Variants in BAZ2A observed in about 807,000 individuals in gnomAD.
The protein encoded by BAZ2A is bromodomain adjacent to zinc finger domain protein 2A.
Under a neutral mutation model 199.9 loss-of-function variants are expected in BAZ2A, and 34 were observed. The ratio of observed to expected loss-of-function variants is 0.17; its 90% CI spans 0.13 to 0.23. The LOEUF (loss-of-function observed/expected upper bound fraction) is 0.23. BAZ2A is among the 10% of genes least tolerant of loss of function. BAZ2A has a pLI of 1.00. For missense variants in BAZ2A, 2,002 were observed against 2,391.1 expected (o/e 0.84, Z 3.39); for synonymous variants, 857 against 883.9 (o/e 0.97, Z 0.54).
chr12:56,603,786 G>A, intron 16 of BAZ2A, 86 bp from the exon 17 acceptor site: 2 of 1,468,268 alleles, frequency 1.4e-6, no homozygotes, highest in South Asian at 1.3e-5. Context: ...GCCAAGACAG[G>A]CGGATCACCT....
At chr12:56,618,787 T>C (rs1429005204) in intron 1 of BAZ2A, among the ~76,000 whole-genome samples, 1 of 151,840 alleles carries the variant, frequency 6.6e-6, no homozygotes, top group East Asian at 1.9e-4. Context: ...GGAGAATCGC[T>C]TGAACCCGCA....
intron 1 of BAZ2A, chr12:56,621,314 C>A (rs548359439): frequency 1.1e-6 from 1 of 939,816 alleles, no homozygotes; most frequent in African/African-American, 1.8e-5. Flanking sequence ...CGATGGCTCA[C>A]AGAAATCAGA....
intron 1 of BAZ2A, among the ~76,000 whole-genome samples, chr12:56,628,525 T>C (rs1336284609): frequency 6.6e-6 from 1 of 152,136 alleles, no homozygotes; most frequent in African/African-American, 2.4e-5. Flanking sequence ...CTGCAGAAGG[T>C]AGTATCTCCA....
intron 1 of BAZ2A, among the ~76,000 whole-genome samples, chr12:56,619,013 T>C (rs1307577287): frequency 6.6e-6 from 1 of 151,510 alleles, no homozygotes; most frequent in Non-Finnish European, 1.5e-5. Flanking sequence ...CTGGATAACA[T>C]GGCGAGAACC....
rs367661295 is a variant in BAZ2A at position 56,612,132 on chromosome 12, A to G, written c.1250T>C (p.Ile417Thr). 6.2e-7 allele frequency: 1 copy of G among 1,613,868 alleles called. No individual in the cohort carries two copies. Among genetic ancestry groups the G allele is most frequent in the African/African-American group, 1.3e-5 (1 of 74,906 alleles). ...TQPAPDQSST[I>T]QLHPATSPAV... The stretch of plus-strand genomic sequence containing the variant: ...TGGTGAGGTTGCTGGATGTAGCTGA[A>G]TAGTGGATGACTGATCAGGAGCTGG... The change falls in exon 6 of 29, where the codon ATT becomes ACT. Residue 417 changes from isoleucine (I) to threonine (T), a missense_variant. This residue lies in a region of BAZ2A where 641 missense variants were observed against 694.5 expected (regional missense o/e 0.92). Transcript: ENST00000549884.
chr12:56,604,551 G>A, intron 15 of BAZ2A, 34 bp downstream of exon 15: 1 of 1,537,788 alleles, frequency 6.5e-7, no homozygotes, highest in East Asian at 2.4e-5. Context: ...TGATGCAAGG[G>A]ATACAATGAC....
intron 13 of BAZ2A, 44 bp from the exon 14 acceptor site, chr12:56,605,371 G>A: frequency 6.5e-7 from 1 of 1,529,052 alleles, no homozygotes; most frequent in Non-Finnish European, 8.8e-7. Flanking sequence ...AAACATAACA[G>A]AAGATGACAA....
At chr12:56,623,946 G>A (rs953171535) in intron 1 of BAZ2A, among the ~76,000 whole-genome samples, 2 of 151,998 alleles carry the variant, frequency 1.3e-5, no homozygotes, top group African/African-American at 4.8e-5. Flanking sequence ...CATCTCCCTG[G>A]CTAAGCCATG....
chr12:56,613,224 C>T lies in BAZ2A; in HGVS notation c.926G>A (p.Ser309Asn). 1 of 1,613,950 alleles carries T rather than the reference C, an allele frequency of 6.2e-7. No individual in the cohort carries two copies. Among genetic ancestry groups the T allele is most frequent in the Non-Finnish European group, 8.5e-7 (1 of 1,179,822 alleles). ...PFNSLAPEPV[S>N]GGLYGIDDTE... ...GTCATCAATACCATATAGTCCTCCA[C>T]TCACTGGCTCTGTTTACAAGGGTAG... Residue 309 changes from serine (S) to asparagine (N), a missense_variant, in exon 5 of 29, where the codon AGT becomes AAT. Physicochemically the swap from Ser to Asn is conservative, Grantham distance 46. Transcript: ENST00000549884.
intron 26 of BAZ2A, among the ~76,000 whole-genome samples, 153 bp downstream of exon 26, chr12:56,599,549 T>C (rs1886212355): frequency 6.6e-6 from 1 of 152,228 alleles, no homozygotes; most frequent in Non-Finnish European, 1.5e-5. Context: ...GAGACAGCAA[T>C]TAAAGCTATA....
chr12:56,625,154 C>CTTTT (rs1002458672), intron 1 of BAZ2A, among the ~76,000 whole-genome samples: 22 of 108,100 alleles, frequency 2.0e-4, no homozygotes, highest in Non-Finnish European at 3.1e-4. Context: ...CTTAGAATTT[C>CTTTT]TTTTTTTTTT....
In BAZ2A at chr12:56,613,250, A is replaced by G; in HGVS notation, c.917-17T>C. On this transcript the variant is annotated splice_polypyrimidine_tract_variant and intron_variant, in intron 4 of 28. Coordinates refer to ENST00000549884, the MANE Select transcript of BAZ2A (RefSeq NM_001300905.2). ...TCACTGGCTCTGTTTACAAGGGTAG[A>G]AAAATCAGAGCAGGATAATGAGAAA... 6.2e-7 allele frequency: 1 copy of G among 1,610,678 alleles called. No homozygotes were observed. Among genetic ancestry groups the G allele is most frequent in the East Asian group, 2.2e-5 (1 of 44,828 alleles).
intron 19 of BAZ2A, 110 bp from the exon 20 acceptor site, chr12:56,602,302 T>G (rs1886573559): frequency 1.1e-6 from 1 of 948,898 alleles, no homozygotes. Context: ...TTAGTCCCCC[T>G]TTTTTGAGAT....
Position 56,615,120 on chromosome 12 carries a change from G to A in BAZ2A, c.624C>T (p.Gly208=), listed in dbSNP as rs534643437. Residue 208 remains glycine (G), a synonymous_variant, in exon 3 of 29, where the codon GGC becomes GGT. Transcript: ENST00000549884. Reference sequence around the variant, plus strand: ...CTGCCTCATCAGGATGGATACCACTGCCTACCTCCTGGGAGGGTGCAAAGG... The same window carrying A: ...CTGCCTCATCAGGATGGATACCACTACCTACCTCCTGGGAGGGTGCAAAGG... ...IQTFAPSQEV[G]SGIHPDEAAE... is the part of the protein sequence containing the mutation. The A allele has an allele frequency of 1.2e-6, 2 of 1,613,822 alleles. No individual in the cohort carries two copies. The highest frequency in any genetic ancestry group is 2.2e-5 in the South Asian group (2 of 91,044).
chr12:56,620,508 C>A (rs960600869), intron 1 of BAZ2A, among the ~76,000 whole-genome samples: 1 of 150,736 alleles, frequency 6.6e-6, no homozygotes, highest in Non-Finnish European at 1.5e-5. Context: ...CTCAAAAAAA[C>A]AAAACAAAAC....
Position 56,599,835 on chromosome 12 carries a change from C to T in BAZ2A, c.5039G>A (p.Cys1680Tyr). The stretch of plus-strand genomic sequence containing the variant: ...AAACTCATCATTGTCACCCTTCCGG[C>T]AGACTAGACATGTCTGGACCAAGGT... ...KSVNKVTCLV[C>Y]RKGDNDEFLL... The change falls in exon 26 of 29, where the codon TGC (cysteine) becomes TAC (tyrosine). Residue 1680 changes from cysteine to tyrosine, a missense_variant. Physicochemically the swap from Cys to Tyr is radical, Grantham distance 194. Around this residue, in one of 6 missense-constraint regions of BAZ2A, gnomAD observed 1,081 missense variants for 1,274.7 expected, o/e 0.85. Coordinates refer to ENST00000549884, the MANE Select transcript of BAZ2A (RefSeq NM_001300905.2). 6.2e-7 allele frequency: 1 copy of T among 1,614,028 alleles called. No individual in the cohort carries two copies. The highest frequency in any genetic ancestry group is 8.5e-7 in the Non-Finnish European group (1 of 1,179,892).
At chr12:56,616,117 T>C (rs1357482708) in intron 2 of BAZ2A, among the ~76,000 whole-genome samples, 1 of 152,174 alleles carries the variant, frequency 6.6e-6, no homozygotes, top group African/African-American at 2.4e-5. Flanking sequence ...TTGGCCAGGA[T>C]GGTCTCATCT....
At chr12:56,633,601 G>A (rs927403942), upstream of BAZ2A, among the ~76,000 whole-genome samples, 3 of 152,066 alleles carry the variant, frequency 2.0e-5, no homozygotes, top group African/African-American at 7.2e-5. Flanking sequence ...TCTTAGCCGG[G>A]TAACCATTCC....
At chr12:56,614,993 A>G in intron 3 of BAZ2A, 21 bp downstream of exon 3, 1 of 1,598,570 alleles carries the variant, frequency 6.3e-7, no homozygotes, top group Non-Finnish European at 8.5e-7. Context: ...TTCCCCACCC[A>G]GTTCACCAAC....
Sources: gnomAD v4.1 joint callset for allele counts (sites outside exome capture counted in the v4.1 genomes callset) on GRCh38, gnomAD v4.1.1 for gene constraint, gnomAD v4.1.1 regional missense constraint, MANE v1.5 for transcripts, NCBI Gene and HGNC (gene_info 2026-07-23, HGNC 2026-07-21) for gene names.